The following CACNA2D3 variants were observed in gnomAD, a reference collection of about 807,000 sequenced individuals.
CACNA2D3 encodes voltage-dependent calcium channel subunit alpha-2/delta-3.
A neutral mutation model predicts 160.6 loss-of-function variants in CACNA2D3; 60 were observed. The ratio of observed to expected loss-of-function variants is 0.37; its 90% confidence interval spans 0.30 to 0.46. The LOEUF (loss-of-function observed/expected upper bound fraction) is 0.46. Ranked by LOEUF, CACNA2D3 falls within the 20% of genes least tolerant of loss-of-function variation. The pLI is 1.00. For missense variants in CACNA2D3, 1,205 were observed against 1,365.0 expected, an observed-to-expected ratio of 0.88 and a Z score of 1.85; for synonymous variants, 558 against 492.9, an observed-to-expected ratio of 1.13 and a Z score of -1.75.
intron 4 of CACNA2D3, among the ~76,000 whole-genome samples, chr3:54,464,503 T>C (rs1236958206): frequency 1.3e-5 from 2 of 152,234 alleles, no homozygotes; most frequent in Non-Finnish European, 2.9e-5. Context: ...CCAGCCTCGC[T>C]GCCACCTTGC....
At chr3:54,945,854 A>G (rs143831407) in intron 27 of CACNA2D3, among the ~76,000 whole-genome samples, 34 of 152,318 alleles carry the variant, frequency 2.2e-4, no homozygotes, top group African/African-American at 7.7e-4. Context: ...TCAGTGGGCA[A>G]TGCAGCAAAG....
intron 2 of CACNA2D3, among the ~76,000 whole-genome samples, chr3:54,137,431 C>A (rs1479235264): frequency 2.0e-5 from 3 of 152,156 alleles, no homozygotes; most frequent in African/African-American, 7.2e-5. Context: ...AGCCCTTTAA[C>A]AGAAAATTGT....
Position 54,909,025 on chromosome 3 carries a change from A to G in CACNA2D3, c.2449+9157A>G, listed in dbSNP as rs140298164. On this transcript the variant is annotated intron_variant, in intron 27 of 37. Coordinates refer to ENST00000474759, the MANE Select transcript of CACNA2D3 (RefSeq NM_018398.3). ...CCTATTTAAACATGTTTCTATAAAAATGAAGTAGATATTTAAATCAGAGGT... is the reference window on the plus strand; with the variant it reads ...CCTATTTAAACATGTTTCTATAAAAGTGAAGTAGATATTTAAATCAGAGGT... Among the ~76,000 whole-genome samples the G allele has an allele frequency of 1.2e-4, 18 of 152,370 alleles. No homozygotes were observed. In the East Asian group the frequency reaches 3.5e-3, roughly 29 times the overall value.
intron 27 of CACNA2D3, 141 bp from the exon 28 acceptor site, chr3:54,968,308 GT>G: frequency 1.6e-6 from 1 of 615,614 alleles, no homozygotes. Context: ...AAGATAAAAT[GT>G]TTTAGTTGTA....
At chr3:54,789,004 C>T (rs1001383862) in intron 13 of CACNA2D3, among the ~76,000 whole-genome samples, 1 of 151,828 alleles carries the variant, frequency 6.6e-6, no homozygotes, top group Admixed American at 6.6e-5. Flanking sequence ...ATTGAGCGGC[C>T]AAAAATAATG....
chr3:54,713,192 A>G (rs1252247452), intron 11 of CACNA2D3, among the ~76,000 whole-genome samples: 2 of 152,202 alleles, frequency 1.3e-5, no homozygotes, highest in African/African-American at 4.8e-5. Context: ...TTCTGTCTTG[A>G]GGAAGCATCT....
intron 4 of CACNA2D3, among the ~76,000 whole-genome samples, chr3:54,412,452 T>C (rs1350087479): frequency 2.6e-5 from 4 of 151,960 alleles, no homozygotes; most frequent in Non-Finnish European, 5.9e-5. Context: ...CTTTGTCTTC[T>C]GGTTAAGGTT....
chr3:54,283,586 G>T (rs571888120), intron 2 of CACNA2D3, among the ~76,000 whole-genome samples: 3 of 152,202 alleles, frequency 2.0e-5, no homozygotes, highest in African/African-American at 7.2e-5. Context: ...TTTCATTGTA[G>T]TGTGATATTC....
chr3:54,606,009 A>G lies in CACNA2D3; in HGVS notation c.964-21778A>G, dbSNP rs992666120. 2.0e-5 allele frequency among the ~76,000 whole-genome samples: 3 copies of G among 152,172 alleles called. No individual in the cohort carries two copies. The East Asian group carries it at 5.8e-4, about 29-fold the overall frequency. Reference sequence around the variant, plus strand: ...CTGAGATGAGTACAGAGTCTGATCCATTTCTGTAGCTTAGATTAACTATTC... The same window carrying G: ...CTGAGATGAGTACAGAGTCTGATCCGTTTCTGTAGCTTAGATTAACTATTC... On this transcript the variant is annotated intron_variant, in intron 9 of 37. Coordinates refer to ENST00000474759, the MANE Select transcript of CACNA2D3 (RefSeq NM_018398.3).
At chr3:55,069,323 GTTAA>G (rs903518888) in intron 35 of CACNA2D3, among the ~76,000 whole-genome samples, 4 of 152,058 alleles carry the variant, frequency 2.6e-5, no homozygotes, top group Admixed American at 6.6e-5. Flanking sequence ...GAATTAAAAA[GTTAA>G]TTAAGAGAGA....
chr3:54,314,751 C>T (rs1232894282), intron 2 of CACNA2D3, among the ~76,000 whole-genome samples: 2 of 152,174 alleles, frequency 1.3e-5, no homozygotes, highest in African/African-American at 2.4e-5. Flanking sequence ...TCACTTTACT[C>T]GTTATCATGT....
In CACNA2D3 at chr3:55,031,516, A is replaced by G. The variant is rs546587757; in HGVS notation, c.2987+13199A>G. Among the ~76,000 whole-genome samples the G allele has an allele frequency of 8.5e-5, 13 of 152,336 alleles. No homozygotes were observed. The South Asian group carries it at 2.7e-3, about 32-fold the overall frequency. On this transcript the variant is annotated intron_variant, in intron 35 of 37. Coordinates refer to ENST00000474759, the MANE Select transcript of CACNA2D3 (RefSeq NM_018398.3). ...TTCTAGACCCAAACCACTTTTTCAA[A>G]GGACATCCCGTATACTCAAAAAGAA...
intron 2 of CACNA2D3, among the ~76,000 whole-genome samples, chr3:54,259,477 T>C (rs1334455819): frequency 6.6e-6 from 1 of 152,208 alleles, no homozygotes. Context: ...GAGATGTGCT[T>C]CCACTTAATT....
At chr3:54,377,748 C>T (rs1405314688) in intron 3 of CACNA2D3, among the ~76,000 whole-genome samples, 6 of 152,168 alleles carry the variant, frequency 3.9e-5, no homozygotes, top group African/African-American at 1.4e-4. Flanking sequence ...ACAAAATGTA[C>T]CCCAAACTTC....
chr3:54,739,935 G>A (rs758409292), intron 11 of CACNA2D3, among the ~76,000 whole-genome samples: 3 of 151,882 alleles, frequency 2.0e-5, no homozygotes, highest in Admixed American at 2.0e-4. Context: ...TACAACTTCC[G>A]CAAGGGCAGA....
At chr3:54,342,692 C>T (rs1282503064) in intron 3 of CACNA2D3, among the ~76,000 whole-genome samples, 1 of 152,202 alleles carries the variant, frequency 6.6e-6, no homozygotes, top group African/African-American at 2.4e-5. Flanking sequence ...TTTGAAAACA[C>T]CTCCTGAGTT....
At chr3:54,918,337 T>TC (rs1416409047) in intron 27 of CACNA2D3, 6 of 233,546 alleles carry the variant, frequency 2.6e-5, no homozygotes, top group East Asian at 1.4e-4. Context: ...TTTTTCTTTT[T>TC]TTTTTTTTTT....
intron 5 of CACNA2D3, among the ~76,000 whole-genome samples, chr3:54,529,454 G>T (rs535123755): frequency 1.3e-5 from 2 of 152,302 alleles, no homozygotes; most frequent in Non-Finnish European, 2.9e-5. Flanking sequence ...ATCCAGCTTT[G>T]AAGCCCCCAA....
intron 9 of CACNA2D3, 108 bp downstream of exon 9, chr3:54,581,985 G>A: frequency 3.8e-6 from 3 of 794,688 alleles, no homozygotes; most frequent in Non-Finnish European, 6.0e-6. Flanking sequence ...CTTTCATTGA[G>A]GCCCTTGGAG....
Sources: gnomAD v4.1 joint callset for allele counts (sites outside exome capture counted in the v4.1 genomes callset) on GRCh38, gnomAD v4.1.1 for gene constraint, MANE v1.5 for transcripts, NCBI Gene and HGNC (gene_info 2026-07-23, HGNC 2026-07-21) for gene names.